CCDC171: variants seen among roughly 807,000 people sequenced by gnomAD.
The protein encoded by CCDC171 is coiled-coil domain containing 171, also known as coiled-coil domain-containing protein 171.
CCDC171 carries 177 observed loss-of-function variants against 168.2 expected under a neutral mutation model. That is an observed-to-expected ratio of 1.05 (90% CI 0.93 to 1.19). CCDC171 has a LOEUF of 1.19. Among genes scored for constraint, CCDC171 ranks in the 50% most tolerant of loss-of-function variants. The pLI is 0.00. For missense variants in CCDC171, 1,991 were observed against 1,539.0 expected (o/e 1.29, Z -4.91); for synonymous variants, 687 against 540.8 (o/e 1.27, Z -3.75).
At chr9:15,575,139 A>G (rs2040539630) in intron 3 of CCDC171, among the ~76,000 whole-genome samples, 1 of 151,488 alleles carries the variant, frequency 6.6e-6, no homozygotes, top group South Asian at 2.1e-4. Context: ...GAGAGGGTAA[A>G]GGAGAGTGAC....
rs148974932 is a variant in CCDC171 at position 16,054,206 on chromosome 9, T to C, written n.90-6440T>C. ...CAGAGGGAGCGAAGGGAGTTGCCCA[T>C]TCAGGGATCCTGGAAGAACACCCTG... On this transcript the variant is annotated intron_variant and non_coding_transcript_variant, in intron 1 of 1. Transcript: ENST00000478913. Among the ~76,000 whole-genome samples the C allele has an allele frequency of 3.4e-3, 525 of 152,286 alleles. 3 individuals are homozygous for C. Among genetic ancestry groups the C allele is most frequent in the African/African-American group, 0.012 (511 of 41,556 alleles).
rs139066069 is a variant in CCDC171 at position 16,000,349 on chromosome 9, T to C, written n.369-20240T>C. ...TTTTTGCTTGCTGTTTTTTGTTACCTCTCCCCTTGAGGCAATGTGTGTCTC... is the reference window on the plus strand; with the variant it reads ...TTTTTGCTTGCTGTTTTTTGTTACCCCTCCCCTTGAGGCAATGTGTGTCTC... On this transcript the variant is annotated intron_variant and non_coding_transcript_variant, in intron 3 of 9. Transcript: ENST00000486641. 2.0e-4 allele frequency among the ~76,000 whole-genome samples: 31 copies of C among 152,258 alleles called. No homozygotes were observed. In the East Asian group the frequency reaches 5.4e-3, roughly 27 times the overall value.
chr9:16,053,439 C>T (rs1055805042), intron 1 of CCDC171, among the ~76,000 whole-genome samples: 1 of 152,254 alleles, frequency 6.6e-6, no homozygotes, highest in Non-Finnish European at 1.5e-5. Flanking sequence ...CATGTCAGCC[C>T]TGCCACTTAC....
At chr9:15,659,564 T>C (rs927853479) in intron 8 of CCDC171, among the ~76,000 whole-genome samples, 1 of 152,186 alleles carries the variant, frequency 6.6e-6, no homozygotes, top group African/African-American at 2.4e-5. Context: ...TTCATGTTAT[T>C]TAGCTGGTCA....
intron 3 of CCDC171, among the ~76,000 whole-genome samples, chr9:15,987,594 G>A (rs1439326402): frequency 6.6e-6 from 1 of 150,402 alleles, no homozygotes. Flanking sequence ...GAAGATAAAT[G>A]TTCTTCAATG....
At position 15,728,003 on chromosome 9, in the gene CCDC171, C is replaced by T. The variant is rs578173036; in HGVS notation, c.1827C>T (p.Ala609=). ...CAGTCTTACAGGAGAATGTTGATGC[C>T]CTGATTGCAGACCTCAACAGGGCTA... is the stretch of plus-strand genomic sequence containing the variant. ...LCAVLQENVD[A]LIADLNRANE... The change falls in exon 15 of 26, where the codon GCC becomes GCT. Residue 609 remains alanine (A), a synonymous_variant. Transcript: ENST00000380701. 5 of 1,612,712 alleles carry T rather than the reference C, an allele frequency of 3.1e-6. No homozygotes were observed. In the South Asian group the frequency reaches 3.3e-5, roughly 11 times the overall value.
chr9:15,644,294 A>G (rs1286222552), intron 7 of CCDC171, among the ~76,000 whole-genome samples: 1 of 152,210 alleles, frequency 6.6e-6, no homozygotes, highest in Non-Finnish European at 1.5e-5. Flanking sequence ...GAACAGCTCC[A>G]GTCTACAGCA....
intron 6 of CCDC171, among the ~76,000 whole-genome samples, chr9:16,034,254 C>T (rs1833422672): frequency 6.6e-6 from 1 of 152,124 alleles, no homozygotes; most frequent in Non-Finnish European, 1.5e-5. Flanking sequence ...TGTTGGAGTT[C>T]CCACCATTGG....
intron 21 of CCDC171, among the ~76,000 whole-genome samples, chr9:15,829,477 G>A (rs1013340469): frequency 6.6e-6 from 1 of 152,178 alleles, no homozygotes; most frequent in Non-Finnish European, 1.5e-5. Flanking sequence ...CTTGGGATTG[G>A]ATAAACAGAG....
At chr9:15,934,054 G>T (rs1205587050) in intron 25 of CCDC171, among the ~76,000 whole-genome samples, 4 of 151,824 alleles carry the variant, frequency 2.6e-5, no homozygotes, top group Non-Finnish European at 4.4e-5. Context: ...ACTATGCAAA[G>T]AACTCTTACA....
At chr9:15,907,830 A>G (rs769103499) in intron 24 of CCDC171, among the ~76,000 whole-genome samples, 1 of 152,216 alleles carries the variant, frequency 6.6e-6, no homozygotes, top group Admixed American at 6.5e-5. Context: ...CAACCCCATC[A>G]AAAAGTGGGC....
chr9:15,849,106 A>G (rs960467503), intron 23 of CCDC171, among the ~76,000 whole-genome samples, 159 bp downstream of exon 23: 2 of 151,754 alleles, frequency 1.3e-5, no homozygotes, highest in Admixed American at 1.3e-4. Context: ...ACATGGTGCT[A>G]TATTGCATGC....
At chr9:15,738,967 A>G (rs2054669501) in intron 16 of CCDC171, among the ~76,000 whole-genome samples, 1 of 152,218 alleles carries the variant, frequency 6.6e-6, no homozygotes, top group South Asian at 2.1e-4. Flanking sequence ...TTCAATATTT[A>G]TTAAATACCT....
At chr9:15,657,665 T>C (rs189376152) in intron 8 of CCDC171, among the ~76,000 whole-genome samples, 118 of 152,310 alleles carry the variant, frequency 7.7e-4, no homozygotes, top group African/African-American at 2.7e-3. Flanking sequence ...GGTGTAAAGA[T>C]GAATGAGCTC....
intron 7 of CCDC171, among the ~76,000 whole-genome samples, chr9:15,643,568 AT>A (rs367560759): frequency 7.4e-4 from 112 of 152,286 alleles, no homozygotes; most frequent in African/African-American, 2.5e-3. Context: ...CAATTGAGAT[AT>A]ACTTCACATA....
chr9:15,921,401 C>T (rs1373549148), intron 25 of CCDC171, among the ~76,000 whole-genome samples: 1 of 151,718 alleles, frequency 6.6e-6, no homozygotes, highest in Non-Finnish European at 1.5e-5. Flanking sequence ...TCCTGTCTAC[C>T]TTCCACCTTT....
At chr9:15,726,828 A>G (rs1225807902) in intron 14 of CCDC171, among the ~76,000 whole-genome samples, 1 of 152,100 alleles carries the variant, frequency 6.6e-6, no homozygotes, top group African/African-American at 2.4e-5. Flanking sequence ...CTATTAAAAA[A>G]TCTTGAGGGA....
intron 25 of CCDC171, among the ~76,000 whole-genome samples, chr9:15,958,516 GTATTATATTATATTA>G (rs59603926): frequency 0.014 from 1,845 of 136,634 alleles, 51 homozygotes; most frequent in African/African-American, 0.047. Context: ...CGGAGGTGAG[GTATTATATTATATTA>G]TATTATATTA....
chr9:15,841,748 G>C (rs1395498966), intron 21 of CCDC171, among the ~76,000 whole-genome samples: 2 of 151,628 alleles, frequency 1.3e-5, no homozygotes, highest in Non-Finnish European at 2.9e-5. Context: ...TTATCTTACA[G>C]ATTTTCTGGC....
Sources: gnomAD v4.1 joint callset for allele counts (sites outside exome capture counted in the v4.1 genomes callset) on GRCh38, gnomAD v4.1.1 for gene constraint, MANE v1.5 for transcripts, NCBI Gene and HGNC (gene_info 2026-07-23, HGNC 2026-07-21) for gene names.